GAB1: variants seen among roughly 807,000 people sequenced by gnomAD.
GAB1 encodes the protein GRB2 associated binding protein 1.
GAB1 carries 19 observed loss-of-function variants against 66.5 expected under a neutral mutation model. The ratio of observed to expected loss-of-function variants is 0.29; its 90% confidence interval spans 0.20 to 0.42. The LOEUF (loss-of-function observed/expected upper bound fraction) is 0.42, where lower values mean the gene tolerates loss of function less well. GAB1 is among the 10% of genes least tolerant of loss of function. The probability of loss-of-function intolerance (pLI) is 1.00; values close to 1 mark genes in which losing one functional copy is unlikely to be tolerated. For synonymous variants in GAB1, 294 were observed against 301.4 expected, an observed-to-expected ratio of 0.98 and a Z score of 0.25; for missense variants, 732 against 858.5, an observed-to-expected ratio of 0.85 and a Z score of 1.84.
chr4:143,414,961 A>G (rs557435662), intron 1 of GAB1, among the ~76,000 whole-genome samples: 1 of 152,246 alleles, frequency 6.6e-6, no homozygotes, highest in East Asian at 1.9e-4. Context: ...AAATACTGTA[A>G]TAACTCTCCA....
At chr4:143,353,569 G>A (rs999012192) in intron 1 of GAB1, among the ~76,000 whole-genome samples, 1 of 150,860 alleles carries the variant, frequency 6.6e-6, no homozygotes, top group African/African-American at 2.4e-5. Context: ...CCTACTGAAT[G>A]CACTCTGCTA....
intron 1 of GAB1, among the ~76,000 whole-genome samples, chr4:143,352,195 C>T (rs1430115341): frequency 6.6e-6 from 1 of 152,160 alleles, no homozygotes; most frequent in Non-Finnish European, 1.5e-5. Flanking sequence ...ATTTTATTAC[C>T]TCTTGGCTGC....
At chr4:143,426,037 G>A in intron 2 of GAB1, 1 of 593,806 alleles carries the variant, frequency 1.7e-6, no homozygotes. Context: ...CCAGGTATAA[G>A]GTGTTAGAGT....
At chr4:143,361,103 C>T (rs1729645978) in intron 1 of GAB1, among the ~76,000 whole-genome samples, 1 of 151,850 alleles carries the variant, frequency 6.6e-6, no homozygotes, top group Non-Finnish European at 1.5e-5. Context: ...GTTAAAAATT[C>T]AAGTTTTTGG....
At position 143,337,043 on chromosome 4, in the gene GAB1, C is replaced by A. The variant is rs1311948907; in HGVS notation, c.-146C>A. 4 of 660,206 alleles carry A rather than the reference C, an allele frequency of 6.1e-6. No individual in the cohort carries two copies. Among genetic ancestry groups the A allele is most frequent in the Non-Finnish European group, 1.0e-5 (4 of 384,116 alleles). 40.9% of individuals were successfully genotyped at this position (660,206 alleles called of 1,614,324 possible). ...ACTCGAACTCGTGGAACCCGCGCACCGTGGAGTCTGTCCGCCCAGTCCGTC... is the reference window on the plus strand; with the variant it reads ...ACTCGAACTCGTGGAACCCGCGCACAGTGGAGTCTGTCCGCCCAGTCCGTC... On this transcript the variant is annotated 5_prime_UTR_variant, in exon 1 of 10. Coordinates refer to ENST00000262994, the MANE Select transcript of GAB1 (RefSeq NM_002039.4).
chr4:143,369,879 G>A (rs2149664908), intron 1 of GAB1, among the ~76,000 whole-genome samples: 1 of 152,330 alleles, frequency 6.6e-6, no homozygotes, highest in African/African-American at 2.4e-5. Context: ...CTTCAAATAA[G>A]CAAAAGGCCT....
intron 2 of GAB1, among the ~76,000 whole-genome samples, chr4:143,431,301 A>G (rs1733638655): frequency 6.6e-6 from 1 of 152,210 alleles, no homozygotes; most frequent in Non-Finnish European, 1.5e-5. Context: ...GGGTTTCATG[A>G]GGAAAACAGA....
intron 6 of GAB1, among the ~76,000 whole-genome samples, chr4:143,456,179 C>T (rs28925932): frequency 5.6e-4 from 85 of 152,230 alleles, no homozygotes; most frequent in African/African-American, 1.7e-3. Flanking sequence ...TCATCGTAGC[C>T]GGGCGCGGTG....
rs370770322 is a variant in GAB1, at chr4:143,433,553, A to T, written c.430A>T (p.Thr144Ser). The T allele has an allele frequency of 6.2e-7, 1 of 1,613,902 alleles. No homozygotes were observed. Among genetic ancestry groups the T allele is most frequent in the African/African-American group, 1.3e-5 (1 of 74,916 alleles). ...AGCTGATTTACCTTTAGCTATAAAT[A>T]CAGCACCACCATCCACCCAGGCAGA... ...APADLPLAIN[T>S]APPSTQADSS... The change falls in exon 3 of 10, where the codon ACA becomes TCA. Residue 144 changes from threonine to serine, a missense_variant. Transcript: ENST00000262994.
intron 1 of GAB1, among the ~76,000 whole-genome samples, chr4:143,408,575 A>G (rs1732191114): frequency 6.6e-6 from 1 of 152,172 alleles, no homozygotes; most frequent in Non-Finnish European, 1.5e-5. Context: ...GGCATTGCTC[A>G]TGTATATATA....
chr4:143,380,111 G>A (rs1033111598), intron 1 of GAB1, among the ~76,000 whole-genome samples: 1 of 150,362 alleles, frequency 6.7e-6, no homozygotes, highest in African/African-American at 2.5e-5. Context: ...TTAAATCGTG[G>A]GCCTCAGTTT....
intron 1 of GAB1, among the ~76,000 whole-genome samples, chr4:143,399,272 G>T (rs1351968422): frequency 6.6e-6 from 1 of 152,182 alleles, no homozygotes; most frequent in Non-Finnish European, 1.5e-5. Flanking sequence ...TGCAATCAAA[G>T]ATGTCAGCTT....
rs930474695 is a variant in GAB1, at chr4:143,438,516, A to G, written c.1111A>G (p.Ser371Gly). The G allele has an allele frequency of 3.1e-6, 5 of 1,614,080 alleles. No homozygotes were observed. The highest frequency in any genetic ancestry group is 2.5e-6 in the Non-Finnish European group (3 of 1,179,984). The change falls in exon 4 of 10, where the codon AGT (serine) becomes GGT (glycine). Residue 371 changes from serine to glycine, a missense_variant. By Grantham distance (56) the Ser-to-Gly change is moderately conservative. Transcript: ENST00000262994. ...CCCACGCACCGCCTCAGACACTGACAGTAGTTACTGTATCCCTACAGCAGG... is the reference window on the plus strand; with the variant it reads ...CCCACGCACCGCCTCAGACACTGACGGTAGTTACTGTATCCCTACAGCAGG... ...SIPRTASDTDSSYCIPTAGMS... is the reference protein window; with the variant it reads ...SIPRTASDTDGSYCIPTAGMS...
intron 2 of GAB1, chr4:143,425,556 G>A (rs551563896): frequency 1.5e-4 from 115 of 762,980 alleles, no homozygotes; most frequent in Admixed American, 3.7e-4. Context: ...AGCTCACTCC[G>A]TGGGTTTGAT....
intron 1 of GAB1, among the ~76,000 whole-genome samples, chr4:143,370,790 C>G (rs1399929893): frequency 6.6e-6 from 1 of 152,150 alleles, no homozygotes; most frequent in Non-Finnish European, 1.5e-5. Flanking sequence ...TGAGTGAGAA[C>G]ATGCAGTGTT....
chr4:143,412,686 G>A (rs1414153643), intron 1 of GAB1, among the ~76,000 whole-genome samples: 2 of 152,188 alleles, frequency 1.3e-5, no homozygotes, highest in African/African-American at 4.8e-5. Flanking sequence ...AGGGTGGTCA[G>A]GGAAGAGAAG....
intron 2 of GAB1, among the ~76,000 whole-genome samples, chr4:143,430,834 G>A (rs1219320103): frequency 6.6e-6 from 1 of 152,118 alleles, no homozygotes; most frequent in African/African-American, 2.4e-5. Flanking sequence ...TCTTTTGCAA[G>A]ATTAATTTTT....
At chr4:143,457,824 G>T in intron 6 of GAB1, 3 of 948,040 alleles carry the variant, frequency 3.2e-6, no homozygotes, top group South Asian at 1.7e-5. Context: ...ATTTTGTAAT[G>T]TTTTTTGTTT....
intron 2 of GAB1, among the ~76,000 whole-genome samples, chr4:143,424,218 T>C (rs1210821172): frequency 6.6e-6 from 1 of 152,178 alleles, no homozygotes; most frequent in Non-Finnish European, 1.5e-5. Context: ...TGAGTAGTGT[T>C]TTTTGGTCAG....
Sources: allele counts gnomAD v4.1 joint callset (sites outside exome capture counted in the v4.1 genomes callset), GRCh38; gene constraint gnomAD v4.1.1; transcripts MANE v1.5; gene names NCBI Gene and HGNC (gene_info 2026-07-23, HGNC 2026-07-21).